MACROD2: variants seen among roughly 807,000 people sequenced by gnomAD.
The protein encoded by MACROD2 is mono-ADP ribosylhydrolase 2.
Under a neutral mutation model 70.4 loss-of-function variants are expected in MACROD2, and 36 were observed. The observed-to-expected ratio is 0.51, with a 90% CI of 0.39 to 0.68. The LOEUF is 0.68. Ranked by LOEUF, MACROD2 falls within the 30% of genes least tolerant of loss-of-function variation. The pLI is 0.00. For synonymous variants in MACROD2, 172 were observed against 178.8 expected, an observed-to-expected ratio of 0.96 and a Z score of 0.30; for missense variants, 496 against 538.4, an observed-to-expected ratio of 0.92 and a Z score of 0.78.
rs571798764 is a variant in MACROD2 at position 15,008,520 on chromosome 20, G to A, written c.419-221420G>A. ...GAATAAGGAAGAGGAAAGCAAAGAT[G>A]ACCTGATCATGGTGCAGGTTCTTGA... On this transcript the variant is annotated intron_variant, in intron 5 of 17. Coordinates refer to ENST00000684519, the MANE Select transcript of MACROD2 (RefSeq NM_001351661.2). Among the ~76,000 whole-genome samples, 13 of 152,296 alleles carry A rather than the reference G, an allele frequency of 8.5e-5. No homozygotes were observed. In the South Asian group the frequency reaches 2.7e-3, roughly 32 times the overall value.
At chr20:14,138,763 C>CCACACACACACA (rs11469437) in intron 3 of MACROD2, among the ~76,000 whole-genome samples, 14 of 147,034 alleles carry the variant, frequency 9.5e-5, no homozygotes, top group Non-Finnish European at 1.5e-4. Context: ...CTTAAGTTTT[C>CCACACACACACA]CACACACACA....
intron 4 of MACROD2, chr20:14,547,074 A>G (rs2085499201): frequency 6.5e-6 from 1 of 154,222 alleles, no homozygotes; most frequent in African/African-American, 2.4e-5. Flanking sequence ...AATTTGTTGG[A>G]AACTTTTTTG....
At chr20:15,898,018 A>T (rs1236820806) in intron 10 of MACROD2, among the ~76,000 whole-genome samples, 1 of 152,234 alleles carries the variant, frequency 6.6e-6, no homozygotes, top group Non-Finnish European at 1.5e-5. Context: ...TATTTGGCTT[A>T]GAGTTTTGTT....
chr20:16,021,310 T>C (rs1307292633), intron 15 of MACROD2, among the ~76,000 whole-genome samples: 1 of 152,164 alleles, frequency 6.6e-6, no homozygotes, highest in African/African-American at 2.4e-5. Context: ...CTGCCATCTC[T>C]CCCTCTCTAA....
At chr20:14,828,896 C>T (rs1331373642) in intron 5 of MACROD2, among the ~76,000 whole-genome samples, 1 of 151,316 alleles carries the variant, frequency 6.6e-6, no homozygotes, top group Non-Finnish European at 1.5e-5. Flanking sequence ...TTCCACTTCT[C>T]TTCCCCTTTT....
chr20:14,321,297 A>G (rs2122548383), intron 3 of MACROD2, among the ~76,000 whole-genome samples: 1 of 152,152 alleles, frequency 6.6e-6, no homozygotes, highest in Non-Finnish European at 1.5e-5. Flanking sequence ...TCCAGGAGGC[A>G]CAGGTTGCAG....
At chr20:15,118,180 C>G (rs1220504556) in intron 5 of MACROD2, among the ~76,000 whole-genome samples, 1 of 139,416 alleles carries the variant, frequency 7.2e-6, no homozygotes, top group Admixed American at 7.7e-5. Flanking sequence ...CTAAAGTGAG[C>G]TTTTTTTAAT....
chr20:15,981,457 G>A (rs1227328175), intron 13 of MACROD2, among the ~76,000 whole-genome samples: 2 of 152,006 alleles, frequency 1.3e-5, no homozygotes, highest in Non-Finnish European at 2.9e-5. Flanking sequence ...AAATGATCAG[G>A]GTGATTCTTT....
rs1225891 is a variant in MACROD2, at chr20:16,052,540, C to T, written c.*2664C>T. The T allele has an allele frequency of 0.47, 72,190 of 152,412 alleles. 18,484 individuals are homozygous for T. Among genetic ancestry groups the T allele is most frequent in the Non-Finnish European group, 0.56 (38,334 of 67,970 alleles). 9.4% of individuals were successfully genotyped at this position (152,412 alleles called of 1,614,324 possible). A position where few individuals can be genotyped will look rare whatever the true frequency, so the allele number is the denominator to read the frequency against. On this transcript the variant is annotated 3_prime_UTR_variant, in exon 18 of 18. Transcript: ENST00000684519. ...TAATAGTTCTAATTAAAATGGTCCT[C>T]GCTGTAGGAGAGACAAAGGGGCTTT...
At chr20:14,327,585 A>G in intron 3 of MACROD2, 2 of 1,445,504 alleles carry the variant, frequency 1.4e-6, no homozygotes, top group Admixed American at 2.6e-5. Context: ...AAAAAAAGAC[A>G]GAAAACAATA....
intron 3 of MACROD2, among the ~76,000 whole-genome samples, chr20:14,190,046 C>A (rs1273783337): frequency 6.6e-6 from 1 of 152,124 alleles, no homozygotes; most frequent in East Asian, 1.9e-4. Flanking sequence ...TCTAAAACTT[C>A]CATAAGAGGT....
Position 14,903,955 on chromosome 20 carries a change from A to G in MACROD2, c.418+218996A>G, listed in dbSNP as rs549234789. On this transcript the variant is annotated intron_variant, in intron 5 of 17. Transcript: ENST00000684519. ...TCGCTGAGAATGTAACCACAGGGCTACAGTAAACTGCAGGGCAGACTAGAA... is the reference window on the plus strand; with the variant it reads ...TCGCTGAGAATGTAACCACAGGGCTGCAGTAAACTGCAGGGCAGACTAGAA... 7.9e-5 allele frequency among the ~76,000 whole-genome samples: 12 copies of G among 152,294 alleles called. No homozygotes were observed. The East Asian group carries it at 1.5e-3, about 20-fold the overall frequency.
chr20:15,709,108 A>G (rs944466403), intron 8 of MACROD2, among the ~76,000 whole-genome samples: 12 of 152,116 alleles, frequency 7.9e-5, no homozygotes, highest in Non-Finnish European at 1.8e-4. Flanking sequence ...CTTTGATGGC[A>G]AAGAACCGAG....
chr20:15,066,881 C>T (rs1334326466), intron 5 of MACROD2, among the ~76,000 whole-genome samples: 6 of 133,834 alleles, frequency 4.5e-5, no homozygotes, highest in Non-Finnish European at 9.4e-5. Flanking sequence ...GACTCTGTCT[C>T]GAAAAAAAAA....
intron 4 of MACROD2, among the ~76,000 whole-genome samples, chr20:14,504,272 G>A (rs1364395573): frequency 1.3e-5 from 2 of 152,130 alleles, no homozygotes. Flanking sequence ...TGTAAGAATT[G>A]CACATACATT....
At chr20:14,431,382 G>C (rs1161691136) in intron 3 of MACROD2, among the ~76,000 whole-genome samples, 2 of 152,024 alleles carry the variant, frequency 1.3e-5, no homozygotes, top group East Asian at 3.9e-4. Flanking sequence ...TAGAAGAAAG[G>C]TCACAAGAAT....
intron 8 of MACROD2, among the ~76,000 whole-genome samples, chr20:15,688,267 T>A (rs2050253213): frequency 6.6e-6 from 1 of 152,152 alleles, no homozygotes; most frequent in Admixed American, 6.5e-5. Context: ...ATTTGCATTT[T>A]CTGAGGTTTC....
intron 8 of MACROD2, among the ~76,000 whole-genome samples, chr20:15,812,742 T>C (rs1333213915): frequency 6.6e-6 from 1 of 152,186 alleles, no homozygotes; most frequent in East Asian, 1.9e-4. Context: ...ATCAGAATTT[T>C]AGTACAGAGC....
intron 5 of MACROD2, among the ~76,000 whole-genome samples, chr20:14,761,019 C>T (rs1206221348): frequency 1.3e-5 from 2 of 152,042 alleles, no homozygotes; most frequent in African/African-American, 4.8e-5. Flanking sequence ...TGGAGCTCCT[C>T]CTCATTGTTT....
Sources: allele counts gnomAD v4.1 joint callset (sites outside exome capture counted in the v4.1 genomes callset), GRCh38; gene constraint gnomAD v4.1.1; transcripts MANE v1.5; gene names NCBI Gene and HGNC (gene_info 2026-07-23, HGNC 2026-07-21).